FANCC: variants seen among roughly 807,000 people sequenced by gnomAD.
FANCC encodes Fanconi anemia group C protein.
Under a neutral mutation model 71.3 loss-of-function variants are expected in FANCC, and 55 were observed. The ratio of observed to expected loss-of-function variants is 0.77; its 90% CI spans 0.62 to 0.97. The LOEUF is 0.97. Among genes scored for constraint, FANCC ranks in the 50% least tolerant of loss-of-function variants. The pLI is 0.00. For missense variants in FANCC, 678 were observed against 670.9 expected, an observed-to-expected ratio of 1.01 and a Z score of -0.12; for synonymous variants, 275 against 244.9, an observed-to-expected ratio of 1.12 and a Z score of -1.15.
chr9:95,141,514 C>G (rs1339149164), intron 7 of FANCC, among the ~76,000 whole-genome samples: 1 of 151,964 alleles, frequency 6.6e-6, no homozygotes, highest in Non-Finnish European at 1.5e-5. Flanking sequence ...TTTTCCTTAT[C>G]TAAGTTGAAA....
chr9:95,114,568 AGAT>A lies in FANCC; in HGVS notation c.1154+58_1154+60del. On this transcript the variant is annotated intron_variant, in intron 12 of 14. Coordinates refer to ENST00000289081, the MANE Select transcript of FANCC (RefSeq NM_000136.3). ...CCTCTGTCAGCCCTGCTCAAAGGGC[AGAT>A]GAGGATCTAGGGAAACCATGTGTGA... The A allele has an allele frequency of 4.2e-6, 6 of 1,413,624 alleles. No homozygotes were observed. The Admixed American group carries it at 1.0e-4, about 24-fold the overall frequency. 87.6% of individuals were successfully genotyped at this position (1,413,624 alleles called of 1,614,324 possible). A position where few individuals can be genotyped will look rare whatever the true frequency, so the allele number is the denominator to read the frequency against.
chr9:95,112,672 G>C (rs1588052752), intron 12 of FANCC, among the ~76,000 whole-genome samples: 1 of 152,320 alleles, frequency 6.6e-6, no homozygotes, highest in East Asian at 1.9e-4. Flanking sequence ...GAGCAGTGAG[G>C]CTCCCTCATG....
At chr9:95,230,812 G>A (rs961259940) in intron 4 of FANCC, among the ~76,000 whole-genome samples, 9 of 152,086 alleles carry the variant, frequency 5.9e-5, no homozygotes, top group East Asian at 1.9e-4. Context: ...GTTTGGTCCC[G>A]CCCACATCCT....
chr9:95,259,335 C>T (rs534414616), intron 1 of FANCC, among the ~76,000 whole-genome samples: 23 of 152,172 alleles, frequency 1.5e-4, no homozygotes, highest in Admixed American at 1.4e-3. Flanking sequence ...GTACTGGTAC[C>T]AAAACAGAGA....
At chr9:95,311,823 T>C (rs560497763) in intron 1 of FANCC, among the ~76,000 whole-genome samples, 1 of 152,232 alleles carries the variant, frequency 6.6e-6, no homozygotes, top group South Asian at 2.1e-4. Flanking sequence ...TAGCTAAATG[T>C]ATATAAAATG....
intron 4 of FANCC, among the ~76,000 whole-genome samples, chr9:95,217,402 A>G (rs930373703): frequency 2.0e-5 from 3 of 151,828 alleles, no homozygotes; most frequent in East Asian, 1.9e-4. Flanking sequence ...GGAGAATGGC[A>G]TGAACCCAGG....
chr9:95,236,161 T>C (rs936610666), intron 4 of FANCC, among the ~76,000 whole-genome samples: 1 of 152,192 alleles, frequency 6.6e-6, no homozygotes, highest in African/African-American at 2.4e-5. Flanking sequence ...TTTTTTTGTC[T>C]TTTTTTCTTT....
intron 13 of FANCC, chr9:95,107,523 T>C (rs2071546231): frequency 3.5e-6 from 2 of 574,080 alleles, no homozygotes; most frequent in Non-Finnish European, 6.2e-6. Flanking sequence ...CCTTTTTTTG[T>C]ATAAAAGGAA....
At chr9:95,294,998 G>GT (rs1405627080) in intron 1 of FANCC, among the ~76,000 whole-genome samples, 2 of 152,072 alleles carry the variant, frequency 1.3e-5, no homozygotes, top group African/African-American at 4.8e-5. Context: ...GTATTATAAA[G>GT]TTTGAGATGT....
intron 12 of FANCC, among the ~76,000 whole-genome samples, chr9:95,112,185 A>G (rs1186419731): frequency 6.6e-6 from 1 of 152,230 alleles, no homozygotes; most frequent in Non-Finnish European, 1.5e-5. Flanking sequence ...TGGGAGTTGC[A>G]ATACTTGTTT....
At chr9:95,230,642 G>C (rs1275967358) in intron 4 of FANCC, among the ~76,000 whole-genome samples, 1 of 152,072 alleles carries the variant, frequency 6.6e-6, no homozygotes, top group Non-Finnish European at 1.5e-5. Flanking sequence ...GCAGACCTTC[G>C]CAGTGAGTGT....
chr9:95,132,954 T>C (rs1056301429), intron 8 of FANCC, among the ~76,000 whole-genome samples: 9 of 152,250 alleles, frequency 5.9e-5, no homozygotes, highest in African/African-American at 2.2e-4. Flanking sequence ...ACAAGTTATG[T>C]AGACCATCAC....
chr9:95,181,348 G>C (rs1826351958), intron 4 of FANCC, among the ~76,000 whole-genome samples: 1 of 152,116 alleles, frequency 6.6e-6, no homozygotes, highest in African/African-American at 2.4e-5. Flanking sequence ...TTTTCAAACA[G>C]ACACCTCAAA....
chr9:95,166,695 T>C (rs1831088544), intron 6 of FANCC, among the ~76,000 whole-genome samples: 1 of 152,146 alleles, frequency 6.6e-6, no homozygotes, highest in Non-Finnish European at 1.5e-5. Flanking sequence ...AAAAATATAG[T>C]ATTTGCAGGA....
chr9:95,308,710 A>G (rs1423994549), intron 1 of FANCC, among the ~76,000 whole-genome samples: 2 of 152,248 alleles, frequency 1.3e-5, no homozygotes, highest in East Asian at 3.8e-4. Flanking sequence ...CCAAAAAGAC[A>G]GTACAATTTT....
At chr9:95,160,720 GT>G (rs2135513186) in intron 6 of FANCC, among the ~76,000 whole-genome samples, 1 of 152,266 alleles carries the variant, frequency 6.6e-6, no homozygotes, top group South Asian at 2.1e-4. Flanking sequence ...GTGGTTTGTA[GT>G]TCTCCTTGAA....
intron 7 of FANCC, among the ~76,000 whole-genome samples, chr9:95,138,910 G>A (rs1244033070): frequency 6.6e-6 from 1 of 152,214 alleles, no homozygotes; most frequent in East Asian, 1.9e-4. Flanking sequence ...CTTTTTATTA[G>A]AGCCTTGATT....
At chr9:95,238,848 G>C (rs557441676) in intron 4 of FANCC, among the ~76,000 whole-genome samples, 1 of 152,086 alleles carries the variant, frequency 6.6e-6, no homozygotes, top group Non-Finnish European at 1.5e-5. Context: ...ATGAGCCACC[G>C]CGCCCAGGCA....
At chr9:95,289,014 C>T (rs771653444) in intron 1 of FANCC, among the ~76,000 whole-genome samples, 4 of 151,982 alleles carry the variant, frequency 2.6e-5, no homozygotes, top group Admixed American at 1.3e-4. Context: ...GGAGGGAGGG[C>T]TGCTTGAGCC....
Sources: allele counts gnomAD v4.1 joint callset (sites outside exome capture counted in the v4.1 genomes callset), GRCh38; gene constraint gnomAD v4.1.1; transcripts MANE v1.5; gene names NCBI Gene and HGNC (gene_info 2026-07-23, HGNC 2026-07-21).